NENF: variants seen among roughly 807,000 people sequenced by gnomAD.
The protein encoded by NENF is neudesin.
Under a neutral mutation model 14.8 loss-of-function variants are expected in NENF, and 6 were observed. The observed-to-expected ratio is 0.40, with a 90% CI of 0.22 to 0.80. The LOEUF is 0.80. Among genes scored for constraint, NENF ranks in the 30% least tolerant of loss-of-function variants. NENF has a pLI of 0.34. For synonymous variants in NENF, 76 were observed against 95.1 expected (o/e 0.80, Z 1.17); for missense variants, 184 against 212.7 (o/e 0.87, Z 0.84).
intron 2 of NENF, 32 bp from the exon 3 acceptor site, chr1:212,444,307 C>G (rs111498838): frequency 1.3e-6 from 2 of 1,483,346 alleles, no homozygotes; most frequent in Non-Finnish European, 1.8e-6. Context: ...TGTAAACCCA[C>G]GCTTACGTCT....
intron 1 of NENF, among the ~76,000 whole-genome samples, chr1:212,438,602 C>CGT (rs1213661789): frequency 1.3e-5 from 2 of 149,162 alleles, no homozygotes; most frequent in Non-Finnish European, 3.0e-5. Flanking sequence ...TTTTGTTTTG[C>CGT]GTGTGTGTGT....
chr1:212,439,714 G>A (rs1181459546), intron 1 of NENF, among the ~76,000 whole-genome samples: 1 of 129,410 alleles, frequency 7.7e-6, no homozygotes, highest in Non-Finnish European at 1.7e-5. Flanking sequence ...AAAAAAATTG[G>A]CCAGGCGTGG....
intron 1 of NENF, among the ~76,000 whole-genome samples, chr1:212,436,583 C>T (rs936132836): frequency 1.3e-5 from 2 of 152,176 alleles, no homozygotes; most frequent in African/African-American, 4.8e-5. Flanking sequence ...ACTGGGATTA[C>T]AGGCGTAAGC....
At position 212,433,852 on chromosome 1, in the gene NENF, C is replaced by T. The variant is rs912665281; in HGVS notation, c.177+732C>T. On this transcript the variant is annotated intron_variant, in intron 1 of 3. Transcript: ENST00000366988. The surrounding 1 kb of genome is among the most constrained non-coding windows in gnomAD (Gnocchi z 5.5). ...GGGACTGGAGCCGCACGACAAGGAC[C>T]AACAGGGGGCTGATATTAGATGTGG... 6.6e-6 allele frequency among the ~76,000 whole-genome samples: 1 copy of T among 152,082 alleles called. No individual in the cohort carries two copies. Among genetic ancestry groups the T allele is most frequent in the African/African-American group, 2.4e-5 (1 of 41,388 alleles).
At chr1:212,444,179 G>C (rs2102571376) in intron 2 of NENF, among the ~76,000 whole-genome samples, 160 bp from the exon 3 acceptor site, 1 of 152,322 alleles carries the variant, frequency 6.6e-6, no homozygotes, top group South Asian at 2.1e-4. Flanking sequence ...GATGGCTGGG[G>C]TGGCTTACTG....
chr1:212,445,746 G>C, intron 3 of NENF, 84 bp from the exon 4 acceptor site: 1 of 1,411,752 alleles, frequency 7.1e-7, no homozygotes. Flanking sequence ...GATGTGGGAG[G>C]CAAGGCAGGG....
At chr1:212,444,291 T>A in intron 2 of NENF, 48 bp from the exon 3 acceptor site, 1 of 1,344,240 alleles carries the variant, frequency 7.4e-7, no homozygotes. Flanking sequence ...TCCTGGTTAC[T>A]CTGCATGTAA....
In NENF at chr1:212,433,132, T is replaced by TGTCGCGGGCCGAGGGACCCGGGGTGGC. The variant is rs1662546494; in HGVS notation, c.177+16_177+42dup. On this transcript the variant is annotated intron_variant, in intron 1 of 3. Coordinates refer to ENST00000366988, the MANE Select transcript of NENF (RefSeq NM_013349.5). The surrounding 1 kb of genome is among the most constrained non-coding windows in gnomAD (Gnocchi z 5.5). Reference sequence around the variant, plus strand: ...ATGGCGGGGAGGAGGTAGGCGGGGGTGTCGCGGGCCGAGGGACCCGGGGTG... The same window carrying TGTCGCGGGCCGAGGGACCCGGGGTGGC: ...ATGGCGGGGAGGAGGTAGGCGGGGGTGTCGCGGGCCGAGGGACCCGGGGTGGCGTCGCGGGCCGAGGGACCCGGGGTG... The TGTCGCGGGCCGAGGGACCCGGGGTGGC allele has an allele frequency of 8.5e-7, 1 of 1,170,176 alleles. No homozygotes were observed. Among genetic ancestry groups the TGTCGCGGGCCGAGGGACCCGGGGTGGC allele is most frequent in the Non-Finnish European group, 1.1e-6 (1 of 948,954 alleles). 72.5% of individuals were successfully genotyped at this position (1,170,176 alleles called of 1,614,324 possible).
chr1:212,438,617 A>ATTT (rs757959823), intron 1 of NENF, among the ~76,000 whole-genome samples: 2 of 124,900 alleles, frequency 1.6e-5, no homozygotes, highest in Admixed American at 8.3e-5. Context: ...GTGTGTCTGT[A>ATTT]TTTTTTTTTT....
In NENF at chr1:212,446,026, G is replaced by C; in HGVS notation, c.*20G>C. 2 of 1,613,554 alleles carry C rather than the reference G, an allele frequency of 1.2e-6. No homozygotes were observed. Among genetic ancestry groups the C allele is most frequent in the South Asian group, 1.1e-5 (1 of 91,040 alleles). On this transcript the variant is annotated 3_prime_UTR_variant, in exon 4 of 4. Transcript: ENST00000366988. ...TTCTGATGTTCCCCCTGCAGGAGCA[G>C]GTTCTTGGGAGCGTGAGGCAGGAAG... is the stretch of plus-strand genomic sequence containing the variant.
chr1:212,433,923 CAG>C lies in NENF; in HGVS notation c.177+806_177+807del. Among the ~76,000 whole-genome samples the C allele has an allele frequency of 6.6e-6, 1 of 152,272 alleles. No individual in the cohort carries two copies. Among genetic ancestry groups the C allele is most frequent in the South Asian group, 2.1e-4 (1 of 4,828 alleles). On this transcript the variant is annotated intron_variant, in intron 1 of 3. Coordinates refer to ENST00000366988, the MANE Select transcript of NENF (RefSeq NM_013349.5). This position sits in a 1 kb window ranked among gnomAD's most constrained non-coding sequence, Gnocchi z 5.5. ...GGGAGGTCATAGTACCATAGTATTT[CAG>C]AGCTGGCAGGAACCCATCTCCTGCT...
At chr1:212,436,087 T>C (rs1571700510) in intron 1 of NENF, among the ~76,000 whole-genome samples, 1 of 152,018 alleles carries the variant, frequency 6.6e-6, no homozygotes, top group African/African-American at 2.4e-5. Flanking sequence ...ATCTCAGGGG[T>C]GGCAGAGGTG....
At chr1:212,445,742 G>A in intron 3 of NENF, 88 bp from the exon 4 acceptor site, 1 of 1,365,010 alleles carries the variant, frequency 7.3e-7, no homozygotes. Context: ...TAGGGATGTG[G>A]GAGGCAAGGC....
intron 1 of NENF, among the ~76,000 whole-genome samples, chr1:212,439,549 A>G (rs1248790391): frequency 6.7e-6 from 1 of 149,732 alleles, no homozygotes; most frequent in Non-Finnish European, 1.5e-5. Context: ...TCTCATAAAA[A>G]AAAAAGATTG....
intron 1 of NENF, among the ~76,000 whole-genome samples, chr1:212,440,751 T>A (rs530166239): frequency 6.6e-6 from 1 of 152,282 alleles, no homozygotes; most frequent in East Asian, 1.9e-4. Flanking sequence ...TTGCTTAGCT[T>A]CTCTGAGCCT....
chr1:212,439,569 C>A (rs6702347), intron 1 of NENF, among the ~76,000 whole-genome samples: 33,400 of 148,664 alleles, frequency 0.22, 3,988 homozygotes, highest in Non-Finnish European at 0.28. Context: ...GTTTGCCGGG[C>A]GTGTTGCCTC....
intron 1 of NENF, among the ~76,000 whole-genome samples, chr1:212,438,427 C>T (rs752471291): frequency 7.9e-5 from 12 of 152,116 alleles, no homozygotes; most frequent in Admixed American, 4.6e-4. Context: ...TTTTTATTTA[C>T]CAGCAGAGAA....
intron 1 of NENF, among the ~76,000 whole-genome samples, chr1:212,441,635 A>T (rs764063079): frequency 3.3e-5 from 5 of 152,040 alleles, no homozygotes; most frequent in Non-Finnish European, 7.4e-5. Context: ...AAAGACAAAA[A>T]ATTAGCGGGG....
rs370356849 is a variant in NENF, at chr1:212,438,289, T to C, written c.178-4276T>C. Among the ~76,000 whole-genome samples the C allele has an allele frequency of 2.0e-5, 3 of 152,236 alleles. No individual in the cohort carries two copies. The East Asian group carries it at 5.8e-4, about 29-fold the overall frequency. The stretch of plus-strand genomic sequence containing the variant: ...AGCTTTTGCCTTGTCACACACCTGT[T>C]ATGATAGCAGGGTTTCACTGTCTAC... On this transcript the variant is annotated intron_variant, in intron 1 of 3. Transcript: ENST00000366988.
Sources: allele counts gnomAD v4.1 joint callset (sites outside exome capture counted in the v4.1 genomes callset), GRCh38; gene constraint gnomAD v4.1.1; non-coding constraint Gnocchi (gnomAD v3.1); transcripts MANE v1.5; gene names NCBI Gene and HGNC (gene_info 2026-07-23, HGNC 2026-07-21).